TSPEAR: variants seen among roughly 807,000 people sequenced by gnomAD.
The protein encoded by TSPEAR is thrombospondin type laminin G domain and EAR repeats.
In TSPEAR, 69 loss-of-function variants were observed where a neutral mutation model predicts 71.6. The observed-to-expected ratio is 0.96, with a 90% CI of 0.79 to 1.18. The LOEUF (loss-of-function observed/expected upper bound fraction) is 1.18. Ranked by LOEUF, TSPEAR falls within the 50% of genes most tolerant of loss-of-function variation. The pLI, the probability that TSPEAR is intolerant of heterozygous loss-of-function variation, is 0.00. For synonymous variants in TSPEAR, 402 were observed against 387.2 expected, an observed-to-expected ratio of 1.04 and a Z score of -0.45; for missense variants, 971 against 894.9, an observed-to-expected ratio of 1.09 and a Z score of -1.09.
chr21:44,689,797 G>A lies in TSPEAR; in HGVS notation c.82+21636C>T, dbSNP rs558578701. ...TGATCACAAGGTCCCACAATAGGCCGTCTGCAAGCTGAGGAGCAAAGAGAT... is the reference window on the plus strand; with the variant it reads ...TGATCACAAGGTCCCACAATAGGCCATCTGCAAGCTGAGGAGCAAAGAGAT... On this transcript the variant is annotated intron_variant, in intron 1 of 11. Coordinates refer to ENST00000323084, the MANE Select transcript of TSPEAR (RefSeq NM_144991.3). Among the ~76,000 whole-genome samples, 4 of 142,496 alleles carry A rather than the reference G, an allele frequency of 2.8e-5. No individual in the cohort carries two copies. The South Asian group carries it at 9.1e-4, about 32-fold the overall frequency. 93.5% of individuals were successfully genotyped at this position (142,496 alleles called of 152,430 possible). A position where few individuals can be genotyped will look rare whatever the true frequency, so the allele number is the denominator to read the frequency against.
intron 1 of TSPEAR, among the ~76,000 whole-genome samples, chr21:44,599,457 G>C (rs1364624577): frequency 6.6e-6 from 1 of 152,120 alleles, no homozygotes; most frequent in Non-Finnish European, 1.5e-5. Flanking sequence ...CTGGGTAGGG[G>C]CCACTTCTCA....
intron 1 of TSPEAR, among the ~76,000 whole-genome samples, chr21:44,707,145 A>G (rs743501): frequency 0.61 from 92,300 of 152,150 alleles, 28,648 homozygotes; most frequent in Non-Finnish European, 0.68. Context: ...CCAGGCGATC[A>G]GGGCGCGAAG....
intron 1 of TSPEAR, among the ~76,000 whole-genome samples, chr21:44,587,025 G>C (rs1601449357): frequency 6.6e-6 from 1 of 152,232 alleles, no homozygotes; most frequent in Non-Finnish European, 1.5e-5. Flanking sequence ...CATAGTACTG[G>C]AAGTCCTAGC....
chr21:44,522,421 C>T (rs1294524727), intron 8 of TSPEAR, among the ~76,000 whole-genome samples: 1 of 152,196 alleles, frequency 6.6e-6, no homozygotes, highest in Admixed American at 6.5e-5. Context: ...GTGTCCTGGC[C>T]CCGCTGCCCA....
chr21:44,509,708 G>A (rs1555912413), intron 9 of TSPEAR: 1 of 338,088 alleles, frequency 3.0e-6, no homozygotes, highest in Non-Finnish European at 5.6e-6. Context: ...CACTCCTGCT[G>A]GCAGCCTCCT....
intron 2 of TSPEAR, 63 bp downstream of exon 2, chr21:44,567,722 A>G (rs2053720977): frequency 7.1e-7 from 1 of 1,415,332 alleles, no homozygotes; most frequent in African/African-American, 1.4e-5. Flanking sequence ...ACGCGTTGGT[A>G]CTGGGAACCT....
intron 2 of TSPEAR, among the ~76,000 whole-genome samples, chr21:44,549,618 C>T (rs1555918246): frequency 6.6e-6 from 1 of 152,270 alleles, no homozygotes; most frequent in Non-Finnish European, 1.5e-5. Flanking sequence ...CATACCTCGC[C>T]AGCATCCCTT....
chr21:44,571,646 T>G (rs191644172), intron 1 of TSPEAR, among the ~76,000 whole-genome samples: 3 of 151,746 alleles, frequency 2.0e-5, no homozygotes, highest in Admixed American at 6.6e-5. Flanking sequence ...GACCCAAAAG[T>G]AAGAAAGGTC....
In TSPEAR at chr21:44,527,523, T is replaced by G; in HGVS notation, c.923-5A>C. ...CGTAGTCCAGTCTTTCTTTGGCTTG[T>G]GATAGAAACGTTGTGACTCGGTTAA... is the stretch of plus-strand genomic sequence containing the variant. On this transcript the variant is annotated splice_region_variant and splice_polypyrimidine_tract_variant and intron_variant, in intron 6 of 11. Coordinates refer to ENST00000323084, the MANE Select transcript of TSPEAR (RefSeq NM_144991.3). 6.2e-7 allele frequency: 1 copy of G among 1,613,828 alleles called. No individual in the cohort carries two copies.
At chr21:44,660,594 C>A (rs1051819249) in intron 1 of TSPEAR, among the ~76,000 whole-genome samples, 1 of 152,206 alleles carries the variant, frequency 6.6e-6, no homozygotes, top group African/African-American at 2.4e-5. Flanking sequence ...AGCACACGTG[C>A]ACTATAAGAA....
intron 1 of TSPEAR, among the ~76,000 whole-genome samples, chr21:44,597,301 C>G (rs1980424439): frequency 6.6e-6 from 1 of 152,050 alleles, no homozygotes; most frequent in Non-Finnish European, 1.5e-5. Context: ...TTCTTCATCT[C>G]TATTGCTCTA....
rs782695946 is a variant in TSPEAR at position 44,612,704 on chromosome 21, T to C, written c.83-44699A>G. ...CCAGCCGGCTTGCTGCACCACCTCC[T>C]GCTGCAGACCCTCCTCCTCCGTGTC... On this transcript the variant is annotated intron_variant, in intron 1 of 11. Coordinates refer to ENST00000323084, the MANE Select transcript of TSPEAR (RefSeq NM_144991.3). The surrounding 1 kb of genome is among the most constrained non-coding windows in gnomAD (Gnocchi z 4.1). The C allele has an allele frequency of 6.2e-7, 1 of 1,613,902 alleles. No homozygotes were observed. Among genetic ancestry groups the C allele is most frequent in the East Asian group, 2.2e-5 (1 of 44,866 alleles).
At chr21:44,689,037 G>C (rs1297784376) in intron 1 of TSPEAR, among the ~76,000 whole-genome samples, 1 of 152,090 alleles carries the variant, frequency 6.6e-6, no homozygotes, top group African/African-American at 2.4e-5. Flanking sequence ...CCACTCAGGT[G>C]GGGGCTCCTC....
At chr21:44,696,460 T>C (rs986078346) in intron 1 of TSPEAR, among the ~76,000 whole-genome samples, 5 of 152,142 alleles carry the variant, frequency 3.3e-5, no homozygotes, top group Admixed American at 3.3e-4. Flanking sequence ...AGAGTGGGGA[T>C]AATAACAGCC....
In TSPEAR at chr21:44,563,119, G is replaced by A. The variant is rs587633534; in HGVS notation, c.303+4666C>T. ...AGGTACATGGAAACAAAGCTATATC[G>A]TGCAAAGGAAGTTACTGAAGATAGT... is the stretch of plus-strand genomic sequence containing the variant. On this transcript the variant is annotated intron_variant, in intron 2 of 11. Coordinates refer to ENST00000323084, the MANE Select transcript of TSPEAR (RefSeq NM_144991.3). 1.1e-4 allele frequency among the ~76,000 whole-genome samples: 17 copies of A among 152,114 alleles called. No homozygotes were observed. The South Asian group carries it at 3.5e-3, about 32-fold the overall frequency.
chr21:44,512,148 G>A (rs1424098924), intron 9 of TSPEAR, among the ~76,000 whole-genome samples: 3 of 152,238 alleles, frequency 2.0e-5, no homozygotes, highest in Admixed American at 2.0e-4. Flanking sequence ...CGCACACAGA[G>A]TGCGGAGCAG....
Position 44,499,777 on chromosome 21 carries a change from G to A in TSPEAR, c.*6C>T, listed in dbSNP as rs782455555. The A allele has an allele frequency of 2.8e-5, 44 of 1,555,536 alleles. No individual in the cohort carries two copies. Among genetic ancestry groups the A allele is most frequent in the South Asian group, 3.5e-5 (3 of 84,674 alleles). Reference sequence around the variant, plus strand: ...CCACCCCAGTTGCTGCCGGGCAGCCGCGGCCTCAGCGTGTCCTCAGCCGCA... The same window carrying A: ...CCACCCCAGTTGCTGCCGGGCAGCCACGGCCTCAGCGTGTCCTCAGCCGCA... On this transcript the variant is annotated 3_prime_UTR_variant, in exon 12 of 12. Transcript: ENST00000323084.
At chr21:44,535,122 G>C (rs1307135398) in intron 2 of TSPEAR, among the ~76,000 whole-genome samples, 1 of 152,132 alleles carries the variant, frequency 6.6e-6, no homozygotes, top group African/African-American at 2.4e-5. Flanking sequence ...AGTGTTGGGA[G>C]ACGAAGAAGT....
At chr21:44,581,242 C>A (rs1170348235) in intron 1 of TSPEAR, among the ~76,000 whole-genome samples, 1 of 152,172 alleles carries the variant, frequency 6.6e-6, no homozygotes, top group Non-Finnish European at 1.5e-5. Flanking sequence ...TGGGTTTTCT[C>A]CATTTTTATT....
Sources: allele counts gnomAD v4.1 joint callset (sites outside exome capture counted in the v4.1 genomes callset), GRCh38; gene constraint gnomAD v4.1.1; non-coding constraint Gnocchi (gnomAD v3.1); transcripts MANE v1.5; gene names NCBI Gene and HGNC (gene_info 2026-07-23, HGNC 2026-07-21).